ZNF121: variants seen among roughly 807,000 people sequenced by gnomAD.
ZNF121 encodes zinc finger protein 121, also known as zinc finger protein 121 (clone ZHC32).
Under a neutral mutation model 2.4 loss-of-function variants are expected in ZNF121, and 1 was observed. The observed-to-expected ratio is 0.41, with a 90% confidence interval of 0.15 to 1.94. ZNF121 has a LOEUF of 1.94. Among genes scored for constraint, ZNF121 ranks in the 30% most tolerant of loss-of-function variants. ZNF121 has a pLI of 0.30. For missense variants in ZNF121, 369 were observed against 466.3 expected, an observed-to-expected ratio of 0.79 and a Z score of 1.92; for synonymous variants, 173 against 158.6, an observed-to-expected ratio of 1.09 and a Z score of -0.68.
chr19:9,564,716 A>C lies in ZNF121; in HGVS notation c.*1224T>G, dbSNP rs940205874. 7.2e-5 allele frequency: 11 copies of C among 152,234 alleles called. No homozygotes were observed. Among genetic ancestry groups the C allele is most frequent in the African/African-American group, 2.4e-4 (10 of 41,464 alleles). The allele number at this position is 152,234 out of a possible 1,614,324, so 9.4% of individuals were successfully genotyped here. ...AATATTACATCAACTTAGTTGATCAAGCAGTGGCGAAGTTTGAGAGGATTA... is the reference window on the plus strand; with the variant it reads ...AATATTACATCAACTTAGTTGATCACGCAGTGGCGAAGTTTGAGAGGATTA... On this transcript the variant is annotated 3_prime_UTR_variant, in exon 4 of 4. Transcript: ENST00000320451.
Position 9,565,976 on chromosome 19 carries a change from T to C in ZNF121, c.1137A>G (p.Arg379=), listed in dbSNP as rs1469560810. The change falls in exon 4 of 4, where the codon AGA becomes AGG. Residue 379 remains arginine, a synonymous_variant. Coordinates refer to ENST00000320451, the MANE Select transcript of ZNF121 (RefSeq NM_001008727.5). ...ICNECGKAYN[R]FYLLTKHLKT... ...TTAAATGTTTAGTAAGTAAATAAAA[T>C]CTATTGTAGGCTTTCCCACATTCGT... The C allele has an allele frequency of 2.5e-6, 4 of 1,576,138 alleles. No individual in the cohort carries two copies. In the African/African-American group the frequency reaches 5.5e-5, roughly 22 times the overall value.
At chr19:9,574,015 TTTTC>T (rs985015449) in intron 1 of ZNF121, among the ~76,000 whole-genome samples, 52 of 146,462 alleles carry the variant, frequency 3.6e-4, no homozygotes, top group Admixed American at 8.0e-4. Context: ...CCTGGCTAAT[TTTTC>T]TTTCTTTCTT....
chr19:9,568,523 C>A (rs959447972), intron 2 of ZNF121, among the ~76,000 whole-genome samples: 3 of 151,882 alleles, frequency 2.0e-5, no homozygotes, highest in Admixed American at 6.6e-5. Context: ...TACAGGTGCC[C>A]ACCACCAGGC....
intron 1 of ZNF121, among the ~76,000 whole-genome samples, chr19:9,582,299 A>C (rs569963392): frequency 6.6e-6 from 1 of 152,314 alleles, no homozygotes; most frequent in African/African-American, 2.4e-5. Flanking sequence ...AACAAGAAGA[A>C]GCGAAAATAG....
rs1026234550 is a variant in ZNF121 at position 9,568,267 on chromosome 19, T to C, written c.-78-92A>G. Reference sequence around the variant, plus strand: ...CAGAATTATAAAGCTCATTTTTATTTGTCATATTCAGCACACTCAAAAAAA... The same window carrying C: ...CAGAATTATAAAGCTCATTTTTATTCGTCATATTCAGCACACTCAAAAAAA... On this transcript the variant is annotated intron_variant, in intron 2 of 3. Coordinates refer to ENST00000320451, the MANE Select transcript of ZNF121 (RefSeq NM_001008727.5). 27 of 570,046 alleles carry C rather than the reference T, an allele frequency of 4.7e-5. No homozygotes were observed. In the African/African-American group the frequency reaches 5.0e-4, roughly 11 times the overall value. The allele number at this position is 570,046 out of a possible 1,614,324, so 35.3% of individuals were successfully genotyped here.
At position 9,566,590 on chromosome 19, in the gene ZNF121, T is replaced by C; in HGVS notation, c.523A>G (p.Lys175Glu). 6.2e-7 allele frequency: 1 copy of C among 1,614,262 alleles called. No homozygotes were observed. The highest frequency in any genetic ancestry group is 1.7e-5 in the Admixed American group (1 of 60,030). Residue 175 changes from lysine to glutamate, a missense_variant, in exon 4 of 4, where the codon AAG (lysine) becomes GAG (glutamate). Transcript: ENST00000320451. The stretch of plus-strand genomic sequence containing the variant: ...ACAGTGAAGCATTTCCCACATTCCT[T>C]ACATTCATAGGGTTTCTCCCCAGTA... Reference protein sequence around the residue: ...THTGEKPYECKECGKCFTVSS... With the variant: ...THTGEKPYECEECGKCFTVSS...
chr19:9,565,330 G>C lies in ZNF121; in HGVS notation c.*610C>G, dbSNP rs974580336. The C allele has an allele frequency of 3.4e-5, 3 of 88,364 alleles. No homozygotes were observed. Among genetic ancestry groups the C allele is most frequent in the African/African-American group, 1.2e-4 (3 of 24,808 alleles). 5.5% of individuals were successfully genotyped at this position (88,364 alleles called of 1,614,324 possible). Reference sequence around the variant, plus strand: ...ACCACAATCCAATCCCTTGAGAAAAGAATGTGTATTAACAACGACTTACAA... The same window carrying C: ...ACCACAATCCAATCCCTTGAGAAAACAATGTGTATTAACAACGACTTACAA... On this transcript the variant is annotated 3_prime_UTR_variant, in exon 4 of 4. Coordinates refer to ENST00000320451, the MANE Select transcript of ZNF121 (RefSeq NM_001008727.5).
At position 9,569,033 on chromosome 19, in the gene ZNF121, C is replaced by T. The variant is rs1204014465; in HGVS notation, c.-110G>A. The T allele has an allele frequency of 6.5e-6, 1 of 153,042 alleles. No individual in the cohort carries two copies. Among genetic ancestry groups the T allele is most frequent in the African/African-American group, 2.4e-5 (1 of 41,452 alleles). The allele number at this position is 153,042 out of a possible 1,614,324, so 9.5% of individuals were successfully genotyped here. Reference sequence around the variant, plus strand: ...GAACTCCGGTTGGCAATGTGCTCAACTTTTCCTTCTCCTCCTCCAGTCAAG... The same window carrying T: ...GAACTCCGGTTGGCAATGTGCTCAATTTTTCCTTCTCCTCCTCCAGTCAAG... On this transcript the variant is annotated 5_prime_UTR_variant, in exon 2 of 4. Transcript: ENST00000320451.
chr19:9,581,477 G>A (rs904882749), intron 1 of ZNF121, among the ~76,000 whole-genome samples: 2 of 152,088 alleles, frequency 1.3e-5, no homozygotes, highest in African/African-American at 4.8e-5. Flanking sequence ...GTAAGGAAAG[G>A]TATGTGAGCT....
intron 1 of ZNF121, among the ~76,000 whole-genome samples, chr19:9,574,599 T>C (rs1298941568): frequency 6.6e-6 from 1 of 152,212 alleles, no homozygotes; most frequent in Non-Finnish European, 1.5e-5. Flanking sequence ...CTGGCTGGAA[T>C]GGAACCTCAC....
chr19:9,566,510 T>C lies in ZNF121; in HGVS notation c.603A>G (p.Gln201=), dbSNP rs2074133123. Reference sequence around the variant, plus strand: ...CGAAGGCTCTTCCACATTCCTTACATTGATAAGGTTTCTCTCCAGTATGAA... The same window carrying C: ...CGAAGGCTCTTCCACATTCCTTACACTGATAAGGTTTCTCTCCAGTATGAA... ...VRIHTGEKPY[Q]CKECGRAFAG... The change falls in exon 4 of 4, where the codon CAA becomes CAG. Residue 201 remains glutamine, a synonymous_variant. Coordinates refer to ENST00000320451, the MANE Select transcript of ZNF121 (RefSeq NM_001008727.5). 2 of 1,614,194 alleles carry C rather than the reference T, an allele frequency of 1.2e-6. No homozygotes were observed. The highest frequency in any genetic ancestry group is 1.1e-5 in the South Asian group (1 of 91,080).
At chr19:9,580,954 G>A (rs531161091) in intron 1 of ZNF121, among the ~76,000 whole-genome samples, 1 of 152,300 alleles carries the variant, frequency 6.6e-6, no homozygotes, top group Non-Finnish European at 1.5e-5. Flanking sequence ...TGAGTAATTT[G>A]AGACTTTCTG....
chr19:9,566,125 G>A lies in ZNF121; in HGVS notation c.988C>T (p.His330Tyr). ...TTCTCTCCAGTGTGAGTTCTTATAT[G>A]TTCAATGAGTTGTGAAGATGTAGCA... ...AFATSSQLIE[H>Y]IRTHTGEKPY... The change falls in exon 4 of 4, where the codon CAT becomes TAT. Residue 330 changes from histidine (H) to tyrosine (Y), a missense_variant. Coordinates refer to ENST00000320451, the MANE Select transcript of ZNF121 (RefSeq NM_001008727.5). 2 of 1,614,046 alleles carry A rather than the reference G, an allele frequency of 1.2e-6. No homozygotes were observed. The highest frequency in any genetic ancestry group is 8.5e-7 in the Non-Finnish European group (1 of 1,179,998).
rs2074110918 is a variant in ZNF121 at position 9,563,172 on chromosome 19, C to A, written c.*2768G>T. 1 of 151,632 alleles carries A rather than the reference C, an allele frequency of 6.6e-6. No homozygotes were observed. The highest frequency in any genetic ancestry group is 2.1e-4 in the South Asian group (1 of 4,800). The allele number at this position is 151,632 out of a possible 1,614,324, so 9.4% of individuals were successfully genotyped here. On this transcript the variant is annotated 3_prime_UTR_variant, in exon 4 of 4. Coordinates refer to ENST00000320451, the MANE Select transcript of ZNF121 (RefSeq NM_001008727.5). The stretch of plus-strand genomic sequence containing the variant: ...TAAAAGTGCTACTCCAGTGAACACA[C>A]ACATAATAAGAAAGGAAAACAGCCT...
rs2144806173 is a variant in ZNF121, at chr19:9,567,001, T to C, written c.112A>G (p.Thr38Ala). Residue 38 changes from threonine (T) to alanine (A), a missense_variant, in exon 4 of 4, where the codon ACT (threonine) becomes GCT (alanine). Physicochemically the swap from Thr to Ala is moderately conservative, Grantham distance 58. Transcript: ENST00000320451. ...AHMGTENTGD[T>A]YDCDEYGENF... ...TCTCCATACTCATCACAGTCATAAG[T>C]GTCCCCTGTATTTTCAGTTCCCATG... 1 of 1,614,174 alleles carries C rather than the reference T, an allele frequency of 6.2e-7. No individual in the cohort carries two copies. The highest frequency in any genetic ancestry group is 2.2e-5 in the East Asian group (1 of 44,882).
intron 1 of ZNF121, among the ~76,000 whole-genome samples, chr19:9,583,826 C>T (rs574394400): frequency 1.3e-5 from 2 of 152,198 alleles, no homozygotes; most frequent in South Asian, 4.1e-4. Context: ...TGTAGAAAGG[C>T]TTGTAGCTGG....
At chr19:9,569,681 A>C (rs1295794939) in intron 1 of ZNF121, among the ~76,000 whole-genome samples, 2 of 150,890 alleles carry the variant, frequency 1.3e-5, no homozygotes, top group Non-Finnish European at 3.0e-5. Flanking sequence ...ACAGGCACCC[A>C]CCATCAGGTC....
intron 1 of ZNF121, among the ~76,000 whole-genome samples, chr19:9,570,845 T>C (rs1406513733): frequency 6.6e-6 from 1 of 152,148 alleles, no homozygotes; most frequent in South Asian, 2.1e-4. Context: ...CCTCCCAAAG[T>C]GCTGGGATTA....
chr19:9,567,826 C>T (rs2074144424), intron 3 of ZNF121: 1 of 334,842 alleles, frequency 3.0e-6, no homozygotes, highest in Admixed American at 3.8e-5. Flanking sequence ...CTGCTACTGA[C>T]AGGTGGAGTA....
Sources: allele counts gnomAD v4.1 joint callset (sites outside exome capture counted in the v4.1 genomes callset), GRCh38; gene constraint gnomAD v4.1.1; transcripts MANE v1.5; gene names NCBI Gene and HGNC (gene_info 2026-07-23, HGNC 2026-07-21).